The following CEP162 variants were observed in gnomAD, a reference collection of about 807,000 sequenced individuals.
CEP162 encodes centrosomal protein of 162 kDa.
In CEP162, 141 loss-of-function variants were observed where a neutral mutation model predicts 169.2. The observed-to-expected ratio is 0.83, with a 90% confidence interval of 0.73 to 0.96. The LOEUF (loss-of-function observed/expected upper bound fraction) is 0.96, where lower values mean the gene tolerates loss of function less well. Among genes scored for constraint, CEP162 ranks in the 40% least tolerant of loss-of-function variants. The pLI, the probability that CEP162 is intolerant of heterozygous loss-of-function variation, is 0.00. For missense variants in CEP162, 1,600 were observed against 1,587.2 expected (o/e 1.01, Z -0.14); for synonymous variants, 540 against 526.4 (o/e 1.03, Z -0.35).
At chr6:84,222,098 G>A (rs1183325544) in intron 2 of CEP162, among the ~76,000 whole-genome samples, 3 of 150,896 alleles carry the variant, frequency 2.0e-5, no homozygotes, top group South Asian at 2.1e-4. Flanking sequence ...TTATCCCTAC[G>A]TCCCTTTTAC....
intron 7 of CEP162, among the ~76,000 whole-genome samples, chr6:84,202,405 G>GAAGCTTCC (rs2099544888): frequency 6.6e-6 from 1 of 151,600 alleles, no homozygotes; most frequent in Non-Finnish European, 1.5e-5. Flanking sequence ...ACAGTGCTCT[G>GAAGCTTCC]AAGCTTCCAC....
At chr6:84,165,790 G>T (rs1202199747) in intron 18 of CEP162, among the ~76,000 whole-genome samples, 1 of 152,126 alleles carries the variant, frequency 6.6e-6, no homozygotes, top group African/African-American at 2.4e-5. Flanking sequence ...GTCTTAGAAA[G>T]AAAATAAAAG....
rs755774512 is a variant in CEP162, at chr6:84,126,447, G to A, written c.3936C>T (p.Phe1312=). The change falls in exon 26 of 27, where the codon TTC becomes TTT. Residue 1312 remains phenylalanine (F), a synonymous_variant. Coordinates refer to ENST00000403245, the MANE Select transcript of CEP162 (RefSeq NM_014895.4). ...GCTTAATTTTCTTTTCTAAGCCCAC[G>A]AAATGTTTCATCTCTGGTGTATGGT... is the stretch of plus-strand genomic sequence containing the variant. ...KENHTPEMKH[F]VGLEKKIKQM... 11 of 1,589,972 alleles carry A rather than the reference G, an allele frequency of 6.9e-6. No homozygotes were observed. Among genetic ancestry groups the A allele is most frequent in the East Asian group, 6.8e-5 (3 of 44,116 alleles).
intron 25 of CEP162, among the ~76,000 whole-genome samples, chr6:84,131,319 T>G (rs2099511325): frequency 6.6e-6 from 1 of 151,858 alleles, no homozygotes; most frequent in Non-Finnish European, 1.5e-5. Flanking sequence ...TGAGAAGAAT[T>G]CTGTTGATTT....
intron 12 of CEP162, 49 bp downstream of exon 12, chr6:84,186,282 CA>C (rs2099537107): frequency 1.1e-5 from 11 of 1,044,130 alleles, no homozygotes; most frequent in African/African-American, 1.6e-5. Flanking sequence ...ATATACTTTA[CA>C]TAACTTCGGT....
At chr6:84,219,429 T>C (rs2099552807) in intron 3 of CEP162, among the ~76,000 whole-genome samples, 1 of 152,238 alleles carries the variant, frequency 6.6e-6, no homozygotes, top group Non-Finnish European at 1.5e-5. Flanking sequence ...GTGAGTATTT[T>C]TGGTCTAGGA....
intron 20 of CEP162, 77 bp downstream of exon 20, chr6:84,161,669 C>T (rs2099525831): frequency 1.9e-6 from 2 of 1,057,518 alleles, no homozygotes; most frequent in Non-Finnish European, 1.4e-6. Context: ...GATGCAATGA[C>T]AAAAGGTTAT....
chr6:84,190,695 T>C (rs930714782), intron 11 of CEP162, among the ~76,000 whole-genome samples: 8 of 152,110 alleles, frequency 5.3e-5, no homozygotes, highest in African/African-American at 1.7e-4. Flanking sequence ...CGAACACATC[T>C]GAACATCAGA....
At chr6:84,157,218 C>T (rs554345701) in intron 21 of CEP162, among the ~76,000 whole-genome samples, 1 of 152,086 alleles carries the variant, frequency 6.6e-6, no homozygotes, top group Non-Finnish European at 1.5e-5. Flanking sequence ...GTCAATATTT[C>T]GGAGATATTT....
At chr6:84,182,813 A>T (rs2099535490) in intron 13 of CEP162, among the ~76,000 whole-genome samples, 1 of 152,154 alleles carries the variant, frequency 6.6e-6, no homozygotes, top group Non-Finnish European at 1.5e-5. Flanking sequence ...TTTGTTACAT[A>T]AAAGAAAAGA....
At chr6:84,222,760 G>A (rs1018629134) in intron 2 of CEP162, among the ~76,000 whole-genome samples, 4 of 150,394 alleles carry the variant, frequency 2.7e-5, no homozygotes, top group Non-Finnish European at 5.9e-5. Context: ...ATGACAGGGC[G>A]CACACGCGCG....
chr6:84,213,402 GA>G (rs1341438982), intron 5 of CEP162, among the ~76,000 whole-genome samples: 1 of 151,900 alleles, frequency 6.6e-6, no homozygotes, highest in Non-Finnish European at 1.5e-5. Flanking sequence ...ATGAAAGCCA[GA>G]AAAAAAATGC....
chr6:84,149,507 TTA>T, intron 24 of CEP162, 53 bp downstream of exon 24: 1 of 1,415,406 alleles, frequency 7.1e-7, no homozygotes, highest in Non-Finnish European at 9.4e-7. Context: ...TTTAATCTCA[TTA>T]AAGTCAAAAC....
intron 9 of CEP162, among the ~76,000 whole-genome samples, chr6:84,196,641 C>T (rs1462292380): frequency 6.6e-6 from 1 of 152,106 alleles, no homozygotes; most frequent in Admixed American, 6.5e-5. Context: ...AAACAGGTGA[C>T]TAATCTCTTC....
intron 11 of CEP162, among the ~76,000 whole-genome samples, chr6:84,191,018 C>T (rs1190252969): frequency 1.3e-5 from 2 of 152,178 alleles, no homozygotes; most frequent in Non-Finnish European, 2.9e-5. Context: ...TGTAAATTTG[C>T]TTAAGTTCCT....
At chr6:84,225,661 C>T (rs2099555424) in intron 2 of CEP162, among the ~76,000 whole-genome samples, 1 of 150,712 alleles carries the variant, frequency 6.6e-6, no homozygotes, top group Admixed American at 6.6e-5. Context: ...ACAGACCATA[C>T]ATTCTTATAA....
intron 7 of CEP162, among the ~76,000 whole-genome samples, chr6:84,202,845 G>A (rs2099545179): frequency 6.6e-6 from 1 of 151,984 alleles, no homozygotes; most frequent in Non-Finnish European, 1.5e-5. Flanking sequence ...TAATTTCTAT[G>A]TTATTTCTAA....
chr6:84,180,018 A>G (rs148797235), intron 13 of CEP162, among the ~76,000 whole-genome samples: 1 of 152,292 alleles, frequency 6.6e-6, no homozygotes, highest in East Asian at 1.9e-4. Context: ...TCCTGATACT[A>G]AAGCCTGGCA....
chr6:84,216,635 G>A (rs2099551670), intron 3 of CEP162, among the ~76,000 whole-genome samples: 1 of 152,076 alleles, frequency 6.6e-6, no homozygotes, highest in Admixed American at 6.6e-5. Context: ...GATATTTGAT[G>A]ATACTAAGAA....
Sources: gnomAD v4.1 joint callset for allele counts (sites outside exome capture counted in the v4.1 genomes callset) on GRCh38, gnomAD v4.1.1 for gene constraint, MANE v1.5 for transcripts, NCBI Gene and HGNC (gene_info 2026-07-23, HGNC 2026-07-21) for gene names.